TMTC1: variants seen among roughly 807,000 people sequenced by gnomAD.
TMTC1 encodes the protein protein O-mannosyl-transferase TMTC1.
In TMTC1, 73 loss-of-function variants were observed where a neutral mutation model predicts 104.8. The ratio of observed to expected loss-of-function variants is 0.70; its 90% CI spans 0.58 to 0.85. The LOEUF (loss-of-function observed/expected upper bound fraction) is 0.85. Among genes scored for constraint, TMTC1 ranks in the 40% least tolerant of loss-of-function variants. The pLI is 0.00. For synonymous variants in TMTC1, 434 were observed against 428.7 expected (o/e 1.01, Z -0.15); for missense variants, 1,035 against 1,096.1 (o/e 0.94, Z 0.79).
At chr12:29,743,795 A>T (rs1165593892) in intron 5 of TMTC1, among the ~76,000 whole-genome samples, 3 of 152,192 alleles carry the variant, frequency 2.0e-5, no homozygotes, top group Non-Finnish European at 4.4e-5. Flanking sequence ...AGGTTACATT[A>T]AAAAAGAGAA....
Position 29,502,615 on chromosome 12 carries a change from A to T in TMTC1, c.*4231T>A, listed in dbSNP as rs940064662. ...AAGTGCAAAACCACCCCACATAACCACCTATTTGTAATCATGGAATGATAG... is the reference window on the plus strand; with the variant it reads ...AAGTGCAAAACCACCCCACATAACCTCCTATTTGTAATCATGGAATGATAG... On this transcript the variant is annotated 3_prime_UTR_variant, in exon 18 of 18. Transcript: ENST00000539277. 2.6e-5 allele frequency: 4 copies of T among 152,080 alleles called. No homozygotes were observed. Among genetic ancestry groups the T allele is most frequent in the Non-Finnish European group, 5.9e-5 (4 of 68,016 alleles). The allele number at this position is 152,080 out of a possible 1,614,324, so 9.4% of individuals were successfully genotyped here. A position where few individuals can be genotyped will look rare whatever the true frequency, so the allele number is the denominator to read the frequency against.
chr12:29,586,866 T>C (rs1261712998), intron 7 of TMTC1, among the ~76,000 whole-genome samples: 2 of 151,954 alleles, frequency 1.3e-5, no homozygotes, highest in Non-Finnish European at 2.9e-5. Flanking sequence ...TTTGCATCAA[T>C]GTTCATCAAG....
At chr12:29,560,481 G>T (rs866546307) in intron 9 of TMTC1, among the ~76,000 whole-genome samples, 1 of 152,038 alleles carries the variant, frequency 6.6e-6, no homozygotes, top group African/African-American at 2.4e-5. Context: ...GTATGGGGCC[G>T]GGTGAGGTGG....
At chr12:29,656,766 G>GTA (rs746269393) in intron 5 of TMTC1, among the ~76,000 whole-genome samples, 18 of 151,978 alleles carry the variant, frequency 1.2e-4, no homozygotes, top group Non-Finnish European at 1.9e-4. Flanking sequence ...CCTTTGAAAA[G>GTA]TATATATATA....
chr12:29,781,693 C>A (rs1449465415), intron 1 of TMTC1, among the ~76,000 whole-genome samples: 2 of 152,066 alleles, frequency 1.3e-5, no homozygotes, highest in Non-Finnish European at 2.9e-5. Context: ...TCTGGATGCA[C>A]GGCATGTGCC....
At chr12:29,700,237 T>C (rs1417285817) in intron 5 of TMTC1, among the ~76,000 whole-genome samples, 1 of 151,062 alleles carries the variant, frequency 6.6e-6, no homozygotes, top group East Asian at 2.0e-4. Flanking sequence ...CTTTTTTTTT[T>C]TGTTTTTTTT....
chr12:29,756,907 T>G (rs1032035132), intron 3 of TMTC1, among the ~76,000 whole-genome samples: 1 of 152,208 alleles, frequency 6.6e-6, no homozygotes, highest in Non-Finnish European at 1.5e-5. Context: ...AACCAATCTG[T>G]AATAACATGG....
At chr12:29,781,976 G>A (rs1943844947) in intron 1 of TMTC1, among the ~76,000 whole-genome samples, 1 of 152,236 alleles carries the variant, frequency 6.6e-6, no homozygotes, top group African/African-American at 2.4e-5. Context: ...TCAGACCTGT[G>A]ACCAGGATGG....
chr12:29,572,733 A>T (rs1330844387), intron 8 of TMTC1, among the ~76,000 whole-genome samples: 6 of 152,170 alleles, frequency 3.9e-5, no homozygotes, highest in African/African-American at 1.2e-4. Context: ...GGCTAATTAC[A>T]AACGCTTTTC....
chr12:29,616,531 G>C (rs1946982554), intron 6 of TMTC1, among the ~76,000 whole-genome samples: 1 of 152,000 alleles, frequency 6.6e-6, no homozygotes. Context: ...AGCCAGGCAT[G>C]GTGGTGGACG....
intron 5 of TMTC1, among the ~76,000 whole-genome samples, chr12:29,687,317 C>G (rs1017048481): frequency 6.6e-6 from 1 of 152,174 alleles, no homozygotes; most frequent in Non-Finnish European, 1.5e-5. Context: ...CTGCAGTATT[C>G]TTGCCCAAAA....
At chr12:29,741,221 C>T (rs1942816245) in intron 5 of TMTC1, among the ~76,000 whole-genome samples, 1 of 152,068 alleles carries the variant, frequency 6.6e-6, no homozygotes, top group African/African-American at 2.4e-5. Context: ...CAAAAATTAA[C>T]AATGGAAAAG....
At chr12:29,585,736 A>G (rs1345603741) in intron 7 of TMTC1, among the ~76,000 whole-genome samples, 4 of 152,214 alleles carry the variant, frequency 2.6e-5, no homozygotes, top group Non-Finnish European at 5.9e-5. Context: ...TTTGTCAAAG[A>G]TCAGATAGTT....
chr12:29,678,281 A>G (rs191333921), intron 5 of TMTC1, among the ~76,000 whole-genome samples: 12 of 152,344 alleles, frequency 7.9e-5, no homozygotes, highest in Non-Finnish European at 1.8e-4. Context: ...ATTGGCTTAT[A>G]GTTCTCCAGA....
intron 10 of TMTC1, among the ~76,000 whole-genome samples, chr12:29,538,155 T>C (rs1039744839): frequency 2.6e-5 from 4 of 152,172 alleles, no homozygotes; most frequent in Non-Finnish European, 5.9e-5. Flanking sequence ...ATGGTTATAA[T>C]TAATTTGTAT....
intron 8 of TMTC1, among the ~76,000 whole-genome samples, chr12:29,580,432 C>A (rs907357602): frequency 1.3e-5 from 2 of 152,174 alleles, no homozygotes; most frequent in African/African-American, 2.4e-5. Flanking sequence ...GAGGCCTCAG[C>A]TGGAAAGGCT....
chr12:29,762,287 C>T (rs985795264), intron 2 of TMTC1, among the ~76,000 whole-genome samples: 1 of 152,184 alleles, frequency 6.6e-6, no homozygotes, highest in Admixed American at 6.5e-5. Context: ...CCATGTAACA[C>T]CCACTCCCTC....
At chr12:29,580,401 G>A (rs1945946831) in intron 8 of TMTC1, among the ~76,000 whole-genome samples, 1 of 152,172 alleles carries the variant, frequency 6.6e-6, no homozygotes, top group African/African-American at 2.4e-5. Flanking sequence ...ACATCACACA[G>A]TGGGATCTTT....
At chr12:29,659,993 A>G (rs1258927587) in intron 5 of TMTC1, 44 of 1,530,270 alleles carry the variant, frequency 2.9e-5, no homozygotes, top group Non-Finnish European at 3.8e-5. Flanking sequence ...CCTTCAGAAA[A>G]TAAGAAGATT....
Sources: allele counts gnomAD v4.1 joint callset (sites outside exome capture counted in the v4.1 genomes callset), GRCh38; gene constraint gnomAD v4.1.1; transcripts MANE v1.5; gene names NCBI Gene and HGNC (gene_info 2026-07-23, HGNC 2026-07-21).